Variants in MYPN observed in about 807,000 individuals in gnomAD.
MYPN encodes the protein myopalladin.
MYPN carries 63 observed loss-of-function variants against 129.4 expected under a neutral mutation model. That is an observed-to-expected ratio of 0.49 (90% CI 0.40 to 0.60). MYPN has a LOEUF of 0.60. MYPN is among the 20% of genes least tolerant of loss of function. The probability of loss-of-function intolerance (pLI) is 0.00; values close to 1 mark genes in which losing one functional copy is unlikely to be tolerated. For missense variants in MYPN, 1,596 were observed against 1,635.4 expected, an observed-to-expected ratio of 0.98 and a Z score of 0.42; for synonymous variants, 629 against 600.9, an observed-to-expected ratio of 1.05 and a Z score of -0.68.
rs779170579 is a variant in MYPN, at chr10:68,210,475, G to A, written c.*20G>A. 2 of 1,613,676 alleles carry A rather than the reference G, an allele frequency of 1.2e-6. No individual in the cohort carries two copies. Among genetic ancestry groups the A allele is most frequent in the East Asian group, 4.5e-5 (2 of 44,884 alleles). On this transcript the variant is annotated 3_prime_UTR_variant, in exon 20 of 20. Transcript: ENST00000358913. ...CTTTAAGAATGTCTAGGTACCTGCT[G>A]TGTAAGAGAGCGGACTGTGGAGGGG...
At chr10:68,176,968 T>C (rs1347994598) in intron 12 of MYPN, among the ~76,000 whole-genome samples, 1 of 152,240 alleles carries the variant, frequency 6.6e-6, no homozygotes, top group Non-Finnish European at 1.5e-5. Context: ...TGTTAATCCT[T>C]CTAAGTGTCA....
At chr10:68,196,359 CTT>C (rs1053690248) in intron 15 of MYPN, among the ~76,000 whole-genome samples, 23 of 152,134 alleles carry the variant, frequency 1.5e-4, no homozygotes, top group African/African-American at 5.1e-4. Context: ...GCCACGAAGT[CTT>C]AGCAAAGCAT....
At chr10:68,188,727 A>G (rs192949741) in intron 12 of MYPN, among the ~76,000 whole-genome samples, 178 bp from the exon 13 acceptor site, 11 of 152,324 alleles carry the variant, frequency 7.2e-5, no homozygotes, top group Admixed American at 1.3e-4. Context: ...TAGGAGAGAC[A>G]CTGACATTTC....
intron 1 of MYPN, among the ~76,000 whole-genome samples, chr10:68,089,995 T>C (rs987589347): frequency 1.3e-5 from 2 of 152,176 alleles, no homozygotes; most frequent in Non-Finnish European, 2.9e-5. Context: ...AAATGAAGTA[T>C]GATGTAGTGT....
intron 3 of MYPN, 93 bp downstream of exon 3, chr10:68,143,208 C>T (rs995031255): frequency 8.2e-7 from 1 of 1,225,738 alleles, no homozygotes; most frequent in Non-Finnish European, 1.2e-6. Flanking sequence ...CTACCATGCG[C>T]TCTTCTAGGC....
At chr10:68,092,428 G>A (rs595721) in intron 1 of MYPN, among the ~76,000 whole-genome samples, 8,470 of 151,912 alleles carry the variant, frequency 0.056, 798 homozygotes, top group African/African-American at 0.19. Flanking sequence ...CTGGGAGGTG[G>A]AGGTTGCAGT....
intron 2 of MYPN, among the ~76,000 whole-genome samples, chr10:68,123,603 G>A (rs1335566874): frequency 6.8e-6 from 1 of 147,320 alleles, no homozygotes; most frequent in Admixed American, 6.8e-5. Context: ...GGAGACTGGC[G>A]TGAACCCGGG....
rs886077649 is a variant in MYPN, at chr10:68,198,347, T to C, written c.3285+869T>C. On this transcript the variant is annotated intron_variant, in intron 16 of 19. Transcript: ENST00000358913. ...GTTTCTCATACTAATCAACCTCCAT[T>C]ACCTTTAGCTATTCTGCATTCTCAT... Among the ~76,000 whole-genome samples, 11 of 152,200 alleles carry C rather than the reference T, an allele frequency of 7.2e-5. 1 individual carries two copies. Among genetic ancestry groups the C allele is most frequent in the Admixed American group, 7.2e-4 (11 of 15,284 alleles).
upstream of MYPN, among the ~76,000 whole-genome samples, chr10:68,108,741 A>G (rs1439813422): frequency 4.0e-5 from 6 of 151,786 alleles, no homozygotes; most frequent in Non-Finnish European, 7.4e-5. Flanking sequence ...ATTTTTTTTG[A>G]GACAGAGTTT....
chr10:68,209,178 C>G (rs2043865280), intron 19 of MYPN, among the ~76,000 whole-genome samples: 1 of 151,956 alleles, frequency 6.6e-6, no homozygotes, highest in African/African-American at 2.4e-5. Flanking sequence ...ACACCAAGGT[C>G]CCCAGAAACC....
intron 1 of MYPN, among the ~76,000 whole-genome samples, chr10:68,115,701 TC>T (rs1352161432): frequency 6.6e-6 from 1 of 152,234 alleles, no homozygotes; most frequent in Non-Finnish European, 1.5e-5. Context: ...TTAAGTGGTT[TC>T]CCTTCACACG....
chr10:68,165,274 A>G (rs1326134527), intron 8 of MYPN, among the ~76,000 whole-genome samples: 1 of 152,220 alleles, frequency 6.6e-6, no homozygotes, highest in Non-Finnish European at 1.5e-5. Context: ...CAACATGGCA[A>G]AACCCTATCT....
intron 2 of MYPN, among the ~76,000 whole-genome samples, chr10:68,127,707 G>C (rs573394104): frequency 2.5e-4 from 38 of 152,172 alleles, no homozygotes; most frequent in African/African-American, 8.9e-4. Context: ...GATGCCTGGA[G>C]CCCTACCTGT....
chr10:68,211,737 A>T lies in MYPN; in HGVS notation c.*1282A>T. On this transcript the variant is annotated 3_prime_UTR_variant, in exon 20 of 20. Coordinates refer to ENST00000358913, the MANE Select transcript of MYPN (RefSeq NM_032578.4). The stretch of plus-strand genomic sequence containing the variant: ...TATTATGTCTATTATAAGATAACCT[A>T]ATCTTATATTCTGCAGGAATATGCC... 2.2e-6 allele frequency: 1 copy of T among 454,124 alleles called. No individual in the cohort carries two copies. The highest frequency in any genetic ancestry group is 1.6e-5 in the South Asian group (1 of 64,476). The allele number at this position is 454,124 out of a possible 1,614,324, so 28.1% of individuals were successfully genotyped here.
intron 13 of MYPN, among the ~76,000 whole-genome samples, chr10:68,191,719 C>CT (rs1162467761): frequency 6.6e-6 from 1 of 152,150 alleles, no homozygotes; most frequent in African/African-American, 2.4e-5. Flanking sequence ...AGATCTTTCA[C>CT]TTCTTTGGTT....
chr10:68,124,077 T>C (rs2042291111), intron 2 of MYPN, among the ~76,000 whole-genome samples: 1 of 152,216 alleles, frequency 6.6e-6, no homozygotes, highest in African/African-American at 2.4e-5. Context: ...GTGAGGCAAA[T>C]GCAGTGCAAG....
At position 68,122,147 on chromosome 10, in the gene MYPN, G is replaced by A. The variant is rs2042253702; in HGVS notation, c.709G>A (p.Glu237Lys). Residue 237 changes from glutamate to lysine, a missense_variant, in exon 2 of 20, where the codon GAA becomes AAA. By Grantham distance (56) the Glu-to-Lys change is moderately conservative. Coordinates refer to ENST00000358913, the MANE Select transcript of MYPN (RefSeq NM_032578.4). ...ALEQQEAKRR[E>K]AEQAASEAAG... Reference sequence around the variant, plus strand: ...GGAACAGCAGGAAGCCAAGAGGCGTGAAGCGGAGCAGGCTGCCAGTGAGGC... The same window carrying A: ...GGAACAGCAGGAAGCCAAGAGGCGTAAAGCGGAGCAGGCTGCCAGTGAGGC... 1.9e-6 allele frequency: 3 copies of A among 1,613,110 alleles called. No homozygotes were observed. Among genetic ancestry groups the A allele is most frequent in the Non-Finnish European group, 2.5e-6 (3 of 1,179,336 alleles).
At chr10:68,202,699 T>C (rs1371312379) in intron 18 of MYPN, among the ~76,000 whole-genome samples, 1 of 152,234 alleles carries the variant, frequency 6.6e-6, no homozygotes, top group Non-Finnish European at 1.5e-5. Flanking sequence ...TTTGCCATTT[T>C]GGTTTTATAC....
intron 3 of MYPN, among the ~76,000 whole-genome samples, chr10:68,144,781 A>G (rs2134073522): frequency 6.6e-6 from 1 of 152,234 alleles, no homozygotes; most frequent in Admixed American, 6.5e-5. Flanking sequence ...CCCTTCTTGT[A>G]TTCAATCTGT....
Sources: allele counts gnomAD v4.1 joint callset (sites outside exome capture counted in the v4.1 genomes callset), GRCh38; gene constraint gnomAD v4.1.1; transcripts MANE v1.5; gene names NCBI Gene and HGNC (gene_info 2026-07-23, HGNC 2026-07-21).